NSD2: variants seen among roughly 807,000 people sequenced by gnomAD.
The protein encoded by NSD2 is histone-lysine N-methyltransferase NSD2.
NSD2 carries 12 observed loss-of-function variants against 139.0 expected under a neutral mutation model. The observed-to-expected ratio is 0.09, with a 90% confidence interval of 0.06 to 0.14. NSD2 has a LOEUF of 0.14. NSD2 is among the 10% of genes least tolerant of loss of function. The pLI, the probability that NSD2 is intolerant of heterozygous loss-of-function variation, is 1.00. For missense variants in NSD2, 1,155 were observed against 1,745.0 expected (o/e 0.66, Z 6.02); for synonymous variants, 669 against 648.7 (o/e 1.03, Z -0.48).
intron 1 of NSD2, among the ~76,000 whole-genome samples, chr4:1,884,662 G>A (rs370198793): frequency 1.1e-4 from 17 of 152,168 alleles, no homozygotes; most frequent in African/African-American, 3.4e-4. Context: ...AAAGTGCTAG[G>A]ATTATAGGCG....
At chr4:1,873,408 C>T (rs1714014546) in intron 1 of NSD2, among the ~76,000 whole-genome samples, 1 of 152,192 alleles carries the variant, frequency 6.6e-6, no homozygotes, top group Non-Finnish European at 1.5e-5. Flanking sequence ...CTTTTGGAGC[C>T]ATGCACAACA....
chr4:1,921,844 A>G (rs1296409123), intron 5 of NSD2, among the ~76,000 whole-genome samples: 1 of 151,788 alleles, frequency 6.6e-6, no homozygotes, highest in East Asian at 1.9e-4. Context: ...TAAACGTTGT[A>G]CGGAAAATAG....
chr4:1,931,838 ACT>A (rs1721671985), intron 6 of NSD2, among the ~76,000 whole-genome samples: 1 of 152,120 alleles, frequency 6.6e-6, no homozygotes, highest in South Asian at 2.1e-4. Context: ...AATATACCTC[ACT>A]CTATCAGTAC....
At position 1,978,835 on chromosome 4, in the gene NSD2, C is replaced by A. The variant is rs535066596; in HGVS notation, c.4024C>A (p.Pro1342Thr). 1 of 1,603,600 alleles carries A rather than the reference C, an allele frequency of 6.2e-7. No homozygotes were observed. The highest frequency in any genetic ancestry group is 1.3e-5 in the African/African-American group (1 of 74,884). ...CAGAAGCACCAAGACTGAGAAGCCCCCCCCAGAGCCAGGGAAGCCGAAGGG... is the reference window on the plus strand; with the variant it reads ...CAGAAGCACCAAGACTGAGAAGCCCACCCCAGAGCCAGGGAAGCCGAAGGG... ...SVRSTKTEKP[P>T]PEPGKPKGKR... The change falls in exon 22 of 22, where the codon CCC (proline) becomes ACC (threonine). Residue 1342 changes from proline (P) to threonine (T), a missense_variant. Physicochemically the swap from Pro to Thr is conservative, Grantham distance 38. This residue lies in a region of NSD2 where 132 missense variants were observed against 94.3 expected (regional missense o/e 1.40). Transcript: ENST00000508803.
Position 1,979,269 on chromosome 4 carries a change from A to G in NSD2, c.*360A>G, listed in dbSNP as rs1727502115. The G allele has an allele frequency of 3.9e-6, 1 of 257,580 alleles. No individual in the cohort carries two copies. The highest frequency in any genetic ancestry group is 7.4e-6 in the Non-Finnish European group (1 of 135,372). 16.0% of individuals were successfully genotyped at this position (257,580 alleles called of 1,614,324 possible). ...TAATCTCCTCTGAAATGTGTAGCGT[A>G]GGCTTTTCCCAAGGGTCGCTAGAAA... is the stretch of plus-strand genomic sequence containing the variant. On this transcript the variant is annotated 3_prime_UTR_variant, in exon 22 of 22. Transcript: ENST00000508803.
intron 9 of NSD2, chr4:1,946,924 A>G (rs1723696419): frequency 1.9e-6 from 2 of 1,058,082 alleles, no homozygotes; most frequent in South Asian, 4.6e-5. Context: ...TAGCCTACCT[A>G]TAGTTGTTGG....
chr4:1,920,877 A>T (rs977600676), intron 5 of NSD2, among the ~76,000 whole-genome samples: 6 of 151,792 alleles, frequency 4.0e-5, no homozygotes, highest in Non-Finnish European at 8.8e-5. Context: ...AAAAAAAAAA[A>T]ATTTTTTTTA....
At chr4:1,920,914 T>C (rs759950918) in intron 5 of NSD2, among the ~76,000 whole-genome samples, 15 of 152,068 alleles carry the variant, frequency 9.9e-5, no homozygotes, top group Admixed American at 5.2e-4. Flanking sequence ...GGCATGTGCC[T>C]GTAGTCTCAA....
chr4:1,941,049 G>A, intron 9 of NSD2: 1 of 1,056,934 alleles, frequency 9.5e-7, no homozygotes, highest in Non-Finnish European at 1.1e-6. Flanking sequence ...TGGACACACT[G>A]GAGAAAAGGC....
intron 3 of NSD2, among the ~76,000 whole-genome samples, chr4:1,913,538 G>A (rs1481935088): frequency 6.6e-6 from 1 of 152,256 alleles, no homozygotes; most frequent in Non-Finnish European, 1.5e-5. Flanking sequence ...CAGAATTGGT[G>A]AGAATATTAA....
intron 1 of NSD2, among the ~76,000 whole-genome samples, chr4:1,876,530 A>C (rs1406402913): frequency 2.0e-5 from 3 of 152,016 alleles, no homozygotes; most frequent in Non-Finnish European, 4.4e-5. Flanking sequence ...ATCTCTACAA[A>C]AATTTTTGAA....
chr4:1,960,320 C>T (rs1725240353), intron 17 of NSD2, among the ~76,000 whole-genome samples: 1 of 152,220 alleles, frequency 6.6e-6, no homozygotes, highest in African/African-American at 2.4e-5. Flanking sequence ...CCACTTTCCT[C>T]TGGGCTAGTA....
chr4:1,935,317 G>A lies in NSD2; in HGVS notation c.1674+55G>A, dbSNP rs574258495. On this transcript the variant is annotated intron_variant, in intron 7 of 21. Transcript: ENST00000508803. ...TCAGAGTGTATGCTCTGTGACTCTTGGTGCCACTGTTTCCCTGCATGGGAG... is the reference window on the plus strand; with the variant it reads ...TCAGAGTGTATGCTCTGTGACTCTTAGTGCCACTGTTTCCCTGCATGGGAG... 8 of 1,391,554 alleles carry A rather than the reference G, an allele frequency of 5.7e-6. No individual in the cohort carries two copies. In the East Asian group the frequency reaches 1.8e-4, roughly 32 times the overall value. The allele number at this position is 1,391,554 out of a possible 1,614,324, so 86.2% of individuals were successfully genotyped here.
rs995991493 is a variant in NSD2 at position 1,943,916 on chromosome 4, T to C, written c.1881+4138T>C. ...GGCCAGCCAGCTAGCCCATAACTGA[T>C]AGATGCATTAGAAGTCAGCCAGCGC... On this transcript the variant is annotated intron_variant, in intron 9 of 21. Transcript: ENST00000508803. 4 of 1,063,498 alleles carry C rather than the reference T, an allele frequency of 3.8e-6. No individual in the cohort carries two copies. The African/African-American group carries it at 6.6e-5, about 17-fold the overall frequency. The allele number at this position is 1,063,498 out of a possible 1,614,324, so 65.9% of individuals were successfully genotyped here.
chr4:1,959,037 T>C (rs1460662080), intron 16 of NSD2, among the ~76,000 whole-genome samples: 1 of 152,194 alleles, frequency 6.6e-6, no homozygotes, highest in South Asian at 2.1e-4. Flanking sequence ...TGGACTCCCA[T>C]GTGGCTTGCT....
intron 1 of NSD2, among the ~76,000 whole-genome samples, chr4:1,883,029 G>A (rs1470629973): frequency 1.3e-5 from 2 of 152,110 alleles, no homozygotes; most frequent in African/African-American, 4.8e-5. Context: ...GGAGAAAAGT[G>A]GACAGGCCTA....
intron 18 of NSD2, among the ~76,000 whole-genome samples, chr4:1,969,541 T>TAA (rs35256815): frequency 2.3e-5 from 3 of 132,614 alleles, no homozygotes; most frequent in South Asian, 2.5e-4. Context: ...TTGTCTCTAC[T>TAA]AAAAAAAAAA....
intron 9 of NSD2, chr4:1,945,718 G>C (rs907563284): frequency 6.5e-5 from 69 of 1,063,536 alleles, no homozygotes; most frequent in Non-Finnish European, 7.3e-5. Flanking sequence ...AGTTGAAAGG[G>C]TTGCCTTGGC....
Position 1,980,477 on chromosome 4 carries a change from C to T in NSD2, c.*1568C>T, listed in dbSNP as rs1041720087. ...TTGCAGAGAAGTTTACAGAACTCCC[C>T]TTGAAAACTGCTGCTGAGGCTCCTG... On this transcript the variant is annotated 3_prime_UTR_variant, in exon 22 of 22. Transcript: ENST00000508803. The T allele has an allele frequency of 8.6e-6, 2 of 233,120 alleles. No individual in the cohort carries two copies. The highest frequency in any genetic ancestry group is 4.4e-5 in the African/African-American group (2 of 45,348). The allele number at this position is 233,120 out of a possible 1,614,324, so 14.4% of individuals were successfully genotyped here. A position where few individuals can be genotyped will look rare whatever the true frequency, so the allele number is the denominator to read the frequency against.
Sources: allele counts gnomAD v4.1 joint callset (sites outside exome capture counted in the v4.1 genomes callset), GRCh38; gene constraint gnomAD v4.1.1; regional missense constraint gnomAD v4.1.1; transcripts MANE v1.5; gene names NCBI Gene and HGNC (gene_info 2026-07-23, HGNC 2026-07-21).